LRP1B: variants seen among roughly 807,000 people sequenced by gnomAD.
LRP1B encodes LDL receptor related protein 1B.
In LRP1B, 217 loss-of-function variants were observed where a neutral mutation model predicts 556.6. That is an observed-to-expected ratio of 0.39 (90% CI 0.35 to 0.44). The LOEUF (loss-of-function observed/expected upper bound fraction) is 0.44. LRP1B is among the 20% of genes least tolerant of loss of function. The pLI is 1.00. For synonymous variants in LRP1B, 2,047 were observed against 1,865.8 expected, an observed-to-expected ratio of 1.10 and a Z score of -2.50; for missense variants, 5,053 against 5,620.8, an observed-to-expected ratio of 0.90 and a Z score of 3.23.
At chr2:141,846,389 G>A (rs1170631907) in intron 1 of LRP1B, among the ~76,000 whole-genome samples, 1 of 151,424 alleles carries the variant, frequency 6.6e-6, no homozygotes, top group Non-Finnish European at 1.5e-5. Flanking sequence ...GGCAATGAAA[G>A]CACTATCCCA....
chr2:141,055,109 A>G lies in LRP1B; in HGVS notation c.1552+7T>C. 1 of 1,611,454 alleles carries G rather than the reference A, an allele frequency of 6.2e-7. No individual in the cohort carries two copies. The highest frequency in any genetic ancestry group is 8.5e-7 in the Non-Finnish European group (1 of 1,178,646). ...CTGCTGGCAAATGTTTTATTTTAAC[A>G]ACATACTTTTGCATGACCTGCCATC... On this transcript the variant is annotated splice_region_variant and intron_variant, in intron 10 of 90. Coordinates refer to ENST00000389484, the MANE Select transcript of LRP1B (RefSeq NM_018557.3).
chr2:140,745,312 A>G (rs1688279066), intron 35 of LRP1B, among the ~76,000 whole-genome samples: 1 of 152,180 alleles, frequency 6.6e-6, no homozygotes, highest in Non-Finnish European at 1.5e-5. Context: ...ATTTAAAGTC[A>G]ATATATAAGT....
At chr2:141,020,630 C>T (rs1342809709) in intron 11 of LRP1B, among the ~76,000 whole-genome samples, 1 of 151,952 alleles carries the variant, frequency 6.6e-6, no homozygotes, top group East Asian at 1.9e-4. Context: ...AGGCTTTCAT[C>T]CCAGAACTGC....
chr2:140,932,711 AT>A (rs573055487), intron 20 of LRP1B, among the ~76,000 whole-genome samples: 1,483 of 144,700 alleles, frequency 0.01, 17 homozygotes, highest in African/African-American at 0.032. Flanking sequence ...TGTCTCTATA[AT>A]TTTTTTTTTT....
chr2:141,432,056 C>T (rs1680581586), intron 3 of LRP1B, among the ~76,000 whole-genome samples: 1 of 152,098 alleles, frequency 6.6e-6, no homozygotes, highest in African/African-American at 2.4e-5. Context: ...AGGGGAAAAG[C>T]ATTCAGTCTT....
chr2:142,079,857 G>T (rs72849869), intron 1 of LRP1B, among the ~76,000 whole-genome samples: 4,750 of 151,920 alleles, frequency 0.031, 108 homozygotes, highest in Middle Eastern at 0.058. Context: ...GTTTTAATTT[G>T]CATTTTACAC....
At chr2:141,787,677 G>A (rs957904156) in intron 2 of LRP1B, among the ~76,000 whole-genome samples, 1 of 151,378 alleles carries the variant, frequency 6.6e-6, no homozygotes, top group African/African-American at 2.4e-5. Flanking sequence ...CACAATAGTA[G>A]GCATTTATCA....
At chr2:141,755,854 C>T (rs548246235) in intron 2 of LRP1B, among the ~76,000 whole-genome samples, 2 of 151,850 alleles carry the variant, frequency 1.3e-5, no homozygotes, top group South Asian at 4.2e-4. Context: ...TATTTACTGA[C>T]TCTTTAGTAA....
intron 1 of LRP1B, among the ~76,000 whole-genome samples, chr2:142,117,661 G>T (rs536722447): frequency 2.6e-5 from 4 of 151,998 alleles, no homozygotes; most frequent in Non-Finnish European, 5.9e-5. Context: ...CTGTGTATGT[G>T]TTTTCTGCTT....
intron 2 of LRP1B, among the ~76,000 whole-genome samples, chr2:141,639,937 T>G (rs930093908): frequency 1.3e-5 from 2 of 152,128 alleles, no homozygotes; most frequent in Non-Finnish European, 2.9e-5. Context: ...ATATGTGCAA[T>G]GAGGAAAAGA....
chr2:141,129,059 A>G (rs1479780749), intron 7 of LRP1B, among the ~76,000 whole-genome samples: 1 of 152,154 alleles, frequency 6.6e-6, no homozygotes, highest in African/African-American at 2.4e-5. Context: ...TATTTTTCCT[A>G]ATATACCATT....
intron 3 of LRP1B, among the ~76,000 whole-genome samples, chr2:141,352,966 A>G (rs1688496751): frequency 6.6e-6 from 1 of 151,980 alleles, no homozygotes; most frequent in Non-Finnish European, 1.5e-5. Flanking sequence ...CTATCTTCAA[A>G]CATCAGAGGT....
intron 2 of LRP1B, among the ~76,000 whole-genome samples, chr2:141,590,987 T>C (rs1687314207): frequency 1.3e-5 from 2 of 152,226 alleles, no homozygotes; most frequent in Admixed American, 6.5e-5. Flanking sequence ...CTTTGCCTCC[T>C]TGGCTGTTTT....
chr2:141,848,225 T>C (rs1459667563), intron 1 of LRP1B, among the ~76,000 whole-genome samples: 3 of 151,758 alleles, frequency 2.0e-5, no homozygotes, highest in African/African-American at 4.8e-5. Context: ...AAACGCAGTA[T>C]TTTTTATGTA....
intron 2 of LRP1B, among the ~76,000 whole-genome samples, chr2:141,658,480 C>A (rs1221157166): frequency 6.6e-6 from 1 of 152,136 alleles, no homozygotes; most frequent in Non-Finnish European, 1.5e-5. Context: ...TAAAAGGCAG[C>A]CCAGGTCTCC....
At chr2:141,414,185 G>A (rs7587380) in intron 3 of LRP1B, among the ~76,000 whole-genome samples, 5 of 147,546 alleles carry the variant, frequency 3.4e-5, no homozygotes, top group Non-Finnish European at 7.5e-5. Flanking sequence ...TGCAGTGAGC[G>A]GAGATAGCGC....
rs990283900 is a variant in LRP1B, at chr2:141,516,118, G to A, written c.206-35585C>T. Reference sequence around the variant, plus strand: ...TTACAGAGATTTCATCTAAAATCTAGGCCAAACCACATCCATTTCTCAGGA... The same window carrying A: ...TTACAGAGATTTCATCTAAAATCTAAGCCAAACCACATCCATTTCTCAGGA... On this transcript the variant is annotated intron_variant, in intron 2 of 90. Coordinates refer to ENST00000389484, the MANE Select transcript of LRP1B (RefSeq NM_018557.3). Among the ~76,000 whole-genome samples, 6 of 152,016 alleles carry A rather than the reference G, an allele frequency of 3.9e-5. No homozygotes were observed. In the East Asian group the frequency reaches 1.2e-3, roughly 29 times the overall value.
rs60473210 is a variant in LRP1B, at chr2:141,519,360, G to GAT, written c.206-38829_206-38828dup. On this transcript the variant is annotated intron_variant, in intron 2 of 90. Transcript: ENST00000389484. ...CACCATGTGTGGGGCTTAAGTCAAT[G>GAT]ATATATATATATATATATATATATA... 9.8e-3 allele frequency among the ~76,000 whole-genome samples: 670 copies of GAT among 68,102 alleles called. 8 individuals carry two copies. The highest frequency in any genetic ancestry group is 0.033 in the Admixed American group (177 of 5,362). The allele number at this position is 68,102 out of a possible 152,430, so 44.7% of individuals were successfully genotyped here.
chr2:140,923,828 T>C (rs1694811190), intron 20 of LRP1B, among the ~76,000 whole-genome samples: 1 of 151,962 alleles, frequency 6.6e-6, no homozygotes, highest in African/African-American at 2.4e-5. Flanking sequence ...CCAAATCTGA[T>C]GATTAAAAAT....
Sources: allele counts gnomAD v4.1 joint callset (sites outside exome capture counted in the v4.1 genomes callset), GRCh38; gene constraint gnomAD v4.1.1; transcripts MANE v1.5; gene names NCBI Gene and HGNC (gene_info 2026-07-23, HGNC 2026-07-21).